The following SPATA22 variants were observed in gnomAD, a reference collection of about 807,000 sequenced individuals.
SPATA22 encodes spermatogenesis associated 22, also known as spermatogenesis-associated protein 22.
SPATA22 carries 29 observed loss-of-function variants against 47.8 expected under a neutral mutation model. The observed-to-expected ratio is 0.61, with a 90% CI of 0.45 to 0.83. The LOEUF (loss-of-function observed/expected upper bound fraction) is 0.83, where lower values mean the gene tolerates loss of function less well. Among genes scored for constraint, SPATA22 ranks in the 40% least tolerant of loss-of-function variants. The pLI is 0.00. For missense variants in SPATA22, 410 were observed against 421.7 expected (o/e 0.97, Z 0.24); for synonymous variants, 133 against 140.9 (o/e 0.94, Z 0.40).
intron 1 of SPATA22, among the ~76,000 whole-genome samples, chr17:3,486,664 C>G (rs1190277074): frequency 2.0e-5 from 3 of 152,174 alleles, no homozygotes. Flanking sequence ...ATTAAAATTA[C>G]AACTTAAAAT....
chr17:3,487,713 GATT>G (rs2073750945), intron 1 of SPATA22, among the ~76,000 whole-genome samples: 1 of 152,124 alleles, frequency 6.6e-6, no homozygotes, highest in Non-Finnish European at 1.5e-5. Flanking sequence ...TTGACTAGGG[GATT>G]ATTATGATTG....
chr17:3,483,879 A>AACTCCTGACCTCAGGTGAT (rs2073676297), intron 1 of SPATA22, among the ~76,000 whole-genome samples: 1 of 152,060 alleles, frequency 6.6e-6, no homozygotes, highest in Admixed American at 6.6e-5. Flanking sequence ...GCTGGCCTCA[A>AACTCCTGACCTCAGGTGAT]ACTCCTGACC....
At chr17:3,510,798 C>T (rs544382236) in intron 1 of SPATA22, 2 of 152,338 alleles carry the variant, frequency 1.3e-5, no homozygotes, top group East Asian at 1.9e-4. Context: ...CTGCCCAGAG[C>T]GAAAGGTCAC....
exon 1 of SPATA22, chr17:3,513,821 G>T (rs1045890987): frequency 5.7e-6 from 6 of 1,057,834 alleles, no homozygotes; most frequent in Non-Finnish European, 8.6e-6. Flanking sequence ...CAGCAGAGCC[G>T]GACTCCACCA....
intron 1 of SPATA22, among the ~76,000 whole-genome samples, chr17:3,481,974 G>A (rs1302575966): frequency 6.6e-6 from 1 of 151,838 alleles, no homozygotes; most frequent in African/African-American, 2.4e-5. Context: ...CAGAGGCAGT[G>A]GTGAGAGGAA....
chr17:3,495,477 G>A (rs1189681673), intron 1 of SPATA22, among the ~76,000 whole-genome samples: 2 of 152,230 alleles, frequency 1.3e-5, no homozygotes, highest in Non-Finnish European at 2.9e-5. Context: ...ATACAGACGA[G>A]TGAAGCAAAT....
intron 1 of SPATA22, chr17:3,510,699 G>A (rs1175508252): frequency 6.6e-6 from 1 of 152,226 alleles, no homozygotes; most frequent in African/African-American, 2.4e-5. Context: ...TTCTGTGTTT[G>A]GAACCAAGAT....
At chr17:3,483,046 C>A (rs928002907) in intron 1 of SPATA22, among the ~76,000 whole-genome samples, 2 of 148,764 alleles carry the variant, frequency 1.3e-5, no homozygotes, top group Admixed American at 1.4e-4. Flanking sequence ...AACCAAGAGG[C>A]CTGTCTTCAA....
Position 3,462,729 on chromosome 17 carries a change from C to A in SPATA22, c.211G>T (p.Val71Leu). The change falls in exon 4 of 9, where the codon GTA (valine) becomes TTA (leucine). Residue 71 changes from valine (V) to leucine (L), a missense_variant. Coordinates refer to ENST00000572969, the MANE Select transcript of SPATA22 (RefSeq NM_001170698.2). ...TACCCGGTGTCCACTGTTTTCATTACAGGAGCCAACTCTGGATTCACAGCT... is the reference window on the plus strand; with the variant it reads ...TACCCGGTGTCCACTGTTTTCATTAAAGGAGCCAACTCTGGATTCACAGCT... ...WEAVNPELAP[V>L]MKTVDTGQIP... The A allele has an allele frequency of 6.2e-7, 1 of 1,613,620 alleles. No individual in the cohort carries two copies. Among genetic ancestry groups the A allele is most frequent in the Non-Finnish European group, 8.5e-7 (1 of 1,179,548 alleles).
At chr17:3,481,068 A>T (rs1231954003) in intron 1 of SPATA22, among the ~76,000 whole-genome samples, 3 of 152,022 alleles carry the variant, frequency 2.0e-5, no homozygotes, top group Non-Finnish European at 2.9e-5. Context: ...GGGTACAGTG[A>T]TCCATAATTG....
intron 3 of SPATA22, among the ~76,000 whole-genome samples, chr17:3,463,972 T>G (rs1276521345): frequency 1.2e-5 from 1 of 81,338 alleles, no homozygotes; most frequent in Non-Finnish European, 2.3e-5. Flanking sequence ...TGCCTCTCCC[T>G]CTCCCTCTCC....
At position 3,443,283 on chromosome 17, in the gene SPATA22, T is replaced by C; in HGVS notation, c.803-12A>G. On this transcript the variant is annotated splice_polypyrimidine_tract_variant and intron_variant, in intron 7 of 8. Transcript: ENST00000572969. ...TGAATCAAGAACAGCTAAGCAATAT[T>C]GAAATGGGGGAAAAAATGAATGTTG... 1 of 1,566,154 alleles carries C rather than the reference T, an allele frequency of 6.4e-7. No homozygotes were observed. The highest frequency in any genetic ancestry group is 8.7e-7 in the Non-Finnish European group (1 of 1,153,656).
chr17:3,508,391 C>T (rs2074062060), intron 1 of SPATA22, among the ~76,000 whole-genome samples: 1 of 151,916 alleles, frequency 6.6e-6, no homozygotes, highest in African/African-American at 2.4e-5. Flanking sequence ...CCAGCCATCC[C>T]ATGACTGGGT....
intron 1 of SPATA22, among the ~76,000 whole-genome samples, chr17:3,497,360 G>A (rs1424039884): frequency 6.6e-6 from 1 of 152,142 alleles, no homozygotes; most frequent in Non-Finnish European, 1.5e-5. Context: ...AATAAACACA[G>A]AAAACAGTGA....
intron 8 of SPATA22, chr17:3,440,555 G>A (rs1388785582): frequency 2.8e-6 from 1 of 355,182 alleles, no homozygotes; most frequent in African/African-American, 2.1e-5. Context: ...GCTCTTACAA[G>A]CTAGCAAGTT....
intron 5 of SPATA22, among the ~76,000 whole-genome samples, chr17:3,451,421 T>C (rs1033154109): frequency 1.3e-5 from 2 of 151,964 alleles, no homozygotes; most frequent in African/African-American, 2.4e-5. Context: ...GAAAAATCAA[T>C]AAACAGTGAA....
At position 3,488,158 on chromosome 17, in the gene SPATA22, G is replaced by A. The variant is rs2073760690; in HGVS notation, c.-73-18760C>T. Among the ~76,000 whole-genome samples the A allele has an allele frequency of 6.6e-6, 1 of 152,146 alleles. No homozygotes were observed. Among genetic ancestry groups the A allele is most frequent in the Non-Finnish European group, 1.5e-5 (1 of 68,020 alleles). On this transcript the variant is annotated intron_variant, in intron 1 of 8. Transcript: ENST00000541913. The surrounding 1 kb of genome is among the most constrained non-coding windows in gnomAD (Gnocchi z 6.1). ...GAGGGTAGTGCAGTTGGGGTAAATG[G>A]TTTGCCAAATAGAGAAGGTGATGAC...
chr17:3,460,235 A>G (rs1375303254), intron 5 of SPATA22, among the ~76,000 whole-genome samples: 1 of 152,168 alleles, frequency 6.6e-6, no homozygotes, highest in South Asian at 2.1e-4. Context: ...CATCTAGTTC[A>G]ATTTTTTTCC....
intron 1 of SPATA22, among the ~76,000 whole-genome samples, chr17:3,487,021 T>A (rs1390405567): frequency 6.6e-6 from 1 of 151,960 alleles, no homozygotes; most frequent in African/African-American, 2.4e-5. Context: ...GAGGGCTGTG[T>A]CCAGTCGCTT....
Sources: gnomAD v4.1 joint callset for allele counts (sites outside exome capture counted in the v4.1 genomes callset) on GRCh38, gnomAD v4.1.1 for gene constraint, Gnocchi (gnomAD v3.1) non-coding constraint, MANE v1.5 for transcripts, NCBI Gene and HGNC (gene_info 2026-07-23, HGNC 2026-07-21) for gene names.